The following ROBO2 variants were observed in gnomAD, a reference collection of about 807,000 sequenced individuals.
ROBO2 encodes roundabout guidance receptor 2, also known as roundabout homolog 2.
In ROBO2, 53 loss-of-function variants were observed where a neutral mutation model predicts 160.8. The ratio of observed to expected loss-of-function variants is 0.33; its 90% CI spans 0.26 to 0.41. The LOEUF (loss-of-function observed/expected upper bound fraction) is 0.41. Among genes scored for constraint, ROBO2 ranks in the 10% least tolerant of loss-of-function variants. The pLI is 1.00. For missense variants in ROBO2, 1,577 were observed against 1,722.4 expected, an observed-to-expected ratio of 0.92 and a Z score of 1.49; for synonymous variants, 664 against 611.7, an observed-to-expected ratio of 1.09 and a Z score of -1.26.
At chr3:77,278,304 G>A (rs1238735916) in intron 2 of ROBO2, among the ~76,000 whole-genome samples, 1 of 152,070 alleles carries the variant, frequency 6.6e-6, no homozygotes, top group East Asian at 1.9e-4. Context: ...AATAATATGT[G>A]TATCCTCCAT....
At chr3:77,170,884 A>G (rs1391262255) in intron 2 of ROBO2, among the ~76,000 whole-genome samples, 4 of 152,162 alleles carry the variant, frequency 2.6e-5, no homozygotes, top group Non-Finnish European at 5.9e-5. Flanking sequence ...AATGACCACA[A>G]GGTGTTTGTA....
At chr3:76,257,425 A>T (rs1706468447) in intron 2 of ROBO2, among the ~76,000 whole-genome samples, 1 of 152,134 alleles carries the variant, frequency 6.6e-6, no homozygotes, top group African/African-American at 2.4e-5. Context: ...GGAGACAGAG[A>T]TATAAATGCA....
At chr3:77,624,721 G>A (rs2094971547) in intron 23 of ROBO2, among the ~76,000 whole-genome samples, 1 of 152,140 alleles carries the variant, frequency 6.6e-6, no homozygotes, top group Non-Finnish European at 1.5e-5. Context: ...AAATATATTT[G>A]TGGTGTGAAT....
At chr3:76,234,094 T>TA (rs1387028516) in intron 2 of ROBO2, among the ~76,000 whole-genome samples, 4 of 152,320 alleles carry the variant, frequency 2.6e-5, no homozygotes, top group Non-Finnish European at 5.9e-5. Context: ...ATTCCTGTGT[T>TA]AGTTTGCTTA....
intron 4 of ROBO2, among the ~76,000 whole-genome samples, chr3:77,482,337 G>A (rs538098886): frequency 3.9e-5 from 6 of 152,274 alleles, no homozygotes; most frequent in South Asian, 2.1e-4. Flanking sequence ...CCAGAGAAAC[G>A]TATTTTGCTG....
At chr3:76,860,834 C>A (rs572612543) in intron 2 of ROBO2, among the ~76,000 whole-genome samples, 1 of 152,108 alleles carries the variant, frequency 6.6e-6, no homozygotes, top group Non-Finnish European at 1.5e-5. Flanking sequence ...ATAAACAAGA[C>A]GCCTTTTCTC....
chr3:76,699,988 C>G (rs2093013395), intron 2 of ROBO2, among the ~76,000 whole-genome samples: 1 of 152,028 alleles, frequency 6.6e-6, no homozygotes, highest in Admixed American at 6.6e-5. Flanking sequence ...TAAATCCTAT[C>G]TGGGGCAAAT....
chr3:77,108,833 T>C (rs1457659093), intron 2 of ROBO2, among the ~76,000 whole-genome samples: 1 of 152,144 alleles, frequency 6.6e-6, no homozygotes, highest in Admixed American at 6.5e-5. Flanking sequence ...TAGAGGGAGA[T>C]AATTTAAATA....
chr3:77,179,213 C>T (rs566682527), intron 2 of ROBO2, among the ~76,000 whole-genome samples: 70 of 151,514 alleles, frequency 4.6e-4, no homozygotes, highest in Non-Finnish European at 7.4e-4. Context: ...GTGCCCTTCA[C>T]GCGCTTAATA....
At chr3:76,289,688 C>T (rs150183407) in intron 2 of ROBO2, among the ~76,000 whole-genome samples, 45 of 152,194 alleles carry the variant, frequency 3.0e-4, no homozygotes, top group African/African-American at 1.1e-3. Context: ...AGAAGTGGTA[C>T]AATTTCATTC....
At chr3:75,911,216 G>A (rs568597467) in intron 1 of ROBO2, among the ~76,000 whole-genome samples, 10 of 152,248 alleles carry the variant, frequency 6.6e-5, no homozygotes, top group African/African-American at 2.2e-4. Context: ...GCTTCTCAGC[G>A]ATCAAATACT....
chr3:77,349,764 A>T (rs1381533658), intron 2 of ROBO2, among the ~76,000 whole-genome samples: 5 of 152,114 alleles, frequency 3.3e-5, no homozygotes, highest in Non-Finnish European at 7.4e-5. Flanking sequence ...TAAACATTGG[A>T]TTCATCTGAC....
At chr3:76,747,705 T>C (rs17014640) in intron 2 of ROBO2, among the ~76,000 whole-genome samples, 1 of 151,868 alleles carries the variant, frequency 6.6e-6, no homozygotes, top group African/African-American at 2.4e-5. Context: ...AGCTAAAACA[T>C]GACTAAATCC....
chr3:77,273,130 G>A (rs985535121), intron 2 of ROBO2, among the ~76,000 whole-genome samples: 7 of 151,966 alleles, frequency 4.6e-5, no homozygotes, highest in African/African-American at 4.8e-5. Context: ...CCGTCTAGTA[G>A]CCCCCACTGT....
intron 1 of ROBO2, among the ~76,000 whole-genome samples, chr3:77,076,945 C>A (rs1488159139): frequency 1.3e-5 from 2 of 152,106 alleles, no homozygotes; most frequent in East Asian, 3.9e-4. Flanking sequence ...ATAAAGGGAA[C>A]CTTCAGAGAT....
intron 2 of ROBO2, among the ~76,000 whole-genome samples, chr3:76,836,408 T>A (rs2109424394): frequency 6.6e-6 from 1 of 151,654 alleles, no homozygotes; most frequent in Non-Finnish European, 1.5e-5. Flanking sequence ...TTTTGGTCAT[T>A]ACTTTTACAG....
chr3:76,228,060 G>A (rs997461544), intron 2 of ROBO2, among the ~76,000 whole-genome samples: 3 of 152,112 alleles, frequency 2.0e-5, no homozygotes, highest in Non-Finnish European at 4.4e-5. Context: ...GTGTGTTTAT[G>A]CTAGAATTTT....
chr3:76,881,812 G>A (rs1257463846), intron 2 of ROBO2, among the ~76,000 whole-genome samples: 1 of 152,208 alleles, frequency 6.6e-6, no homozygotes, highest in Middle Eastern at 3.2e-3. Flanking sequence ...GGCAGAATGT[G>A]TGGAGGCCAG....
At position 77,110,480 on chromosome 3, in the gene ROBO2, T is replaced by G. The variant is rs184776299; in HGVS notation, c.388+12140T>G. Among the ~76,000 whole-genome samples the G allele has an allele frequency of 3.0e-3, 451 of 151,908 alleles. 2 individuals are homozygous for G. Among genetic ancestry groups the G allele is most frequent in the African/African-American group, 0.011 (436 of 41,478 alleles). ...CTTTTTATTTTTTTATATTTAAAAA[T>G]GAATCAAAGGAGGAAGCATAGCCTT... is the stretch of plus-strand genomic sequence containing the variant. On this transcript the variant is annotated intron_variant, in intron 2 of 25. Coordinates refer to ENST00000461745, the Ensembl canonical transcript of ROBO2.
Sources: gnomAD v4.1 joint callset for allele counts (sites outside exome capture counted in the v4.1 genomes callset) on GRCh38, gnomAD v4.1.1 for gene constraint, MANE v1.5 for transcripts, NCBI Gene and HGNC (gene_info 2026-07-23, HGNC 2026-07-21) for gene names.